The following CACNG2 variants were observed in gnomAD, a reference collection of about 807,000 sequenced individuals.
The protein encoded by CACNG2 is calcium voltage-gated channel auxiliary subunit gamma 2, also known as voltage-dependent calcium channel gamma-2 subunit.
In CACNG2, 3 loss-of-function variants were observed where a neutral mutation model predicts 25.9. The observed-to-expected ratio is 0.12, with a 90% confidence interval of 0.05 to 0.30. The LOEUF (loss-of-function observed/expected upper bound fraction) is 0.30, where lower values mean the gene tolerates loss of function less well. CACNG2 is among the 10% of genes least tolerant of loss of function. CACNG2 has a pLI of 1.00. For missense variants in CACNG2, 341 were observed against 432.5 expected, an observed-to-expected ratio of 0.79 and a Z score of 1.88; for synonymous variants, 167 against 173.3, an observed-to-expected ratio of 0.96 and a Z score of 0.29.
intron 1 of CACNG2, among the ~76,000 whole-genome samples, chr22:36,654,252 T>C (rs1363977762): frequency 2.6e-5 from 4 of 152,120 alleles, no homozygotes; most frequent in Non-Finnish European, 1.5e-5. Context: ...TCCATGTTTC[T>C]CTTTCTTCTT....
intron 1 of CACNG2, among the ~76,000 whole-genome samples, chr22:36,601,774 C>A (rs914023567): frequency 6.6e-6 from 1 of 152,148 alleles, no homozygotes; most frequent in Admixed American, 6.5e-5. Context: ...TGAGCCACTG[C>A]GCCTGGGGAG....
At position 36,664,150 on chromosome 22, in the gene CACNG2, A is replaced by G. The variant is rs1489014110; in HGVS notation, c.211+38216T>C. Among the ~76,000 whole-genome samples the G allele has an allele frequency of 2.5e-5, 3 of 117,830 alleles. No homozygotes were observed. In the East Asian group the frequency reaches 7.5e-4, roughly 29 times the overall value. 77.3% of individuals were successfully genotyped at this position (117,830 alleles called of 152,430 possible). On this transcript the variant is annotated intron_variant, in intron 1 of 3. Coordinates refer to ENST00000300105, the MANE Select transcript of CACNG2 (RefSeq NM_006078.5). Reference sequence around the variant, plus strand: ...ATTCCACTGACTTAGTGAGTCAGGAATTGCAAGGTACATATAGGGGAGAGA... The same window carrying G: ...ATTCCACTGACTTAGTGAGTCAGGAGTTGCAAGGTACATATAGGGGAGAGA...
chr22:36,579,182 A>G (rs1452541646), intron 2 of CACNG2, among the ~76,000 whole-genome samples: 1 of 152,076 alleles, frequency 6.6e-6, no homozygotes, highest in Non-Finnish European at 1.5e-5. Context: ...AGGTGGGTGG[A>G]TCACCTGAGG....
rs939260757 is a variant in CACNG2 at position 36,563,124 on chromosome 22, T to C, written c.*1227A>G. Among the ~76,000 whole-genome samples the C allele has an allele frequency of 1.3e-5, 2 of 152,122 alleles. No individual in the cohort carries two copies. The highest frequency in any genetic ancestry group is 4.8e-5 in the African/African-American group (2 of 41,418). On this transcript the variant is annotated 3_prime_UTR_variant, in exon 4 of 4. Transcript: ENST00000300105. The stretch of plus-strand genomic sequence containing the variant: ...TTATTTATAGTCTGTGGTTTTTTTA[T>C]TAAAAAAAAATCACCACTTGTTTTT...
chr22:36,651,473 C>T (rs1348661139), intron 1 of CACNG2, among the ~76,000 whole-genome samples: 1 of 152,012 alleles, frequency 6.6e-6, no homozygotes, highest in Non-Finnish European at 1.5e-5. Context: ...CAGTGATCTG[C>T]CTGCCTTGGC....
intron 1 of CACNG2, among the ~76,000 whole-genome samples, chr22:36,693,708 A>T (rs892613930): frequency 2.6e-5 from 4 of 152,108 alleles, no homozygotes; most frequent in African/African-American, 9.7e-5. Context: ...CCAATGCCCA[A>T]CATATGGGCA....
At chr22:36,653,249 G>C (rs577732469) in intron 1 of CACNG2, among the ~76,000 whole-genome samples, 2 of 152,266 alleles carry the variant, frequency 1.3e-5, no homozygotes, top group East Asian at 3.9e-4. Context: ...GCTTGAACCC[G>C]GGAGGTGGAG....
intron 1 of CACNG2, among the ~76,000 whole-genome samples, chr22:36,655,195 T>C (rs1569042296): frequency 6.6e-6 from 1 of 152,226 alleles, no homozygotes; most frequent in East Asian, 1.9e-4. Flanking sequence ...CTTCTTCATA[T>C]GTGACTCTTT....
chr22:36,576,290 A>G (rs956833068), intron 2 of CACNG2, among the ~76,000 whole-genome samples: 7 of 152,174 alleles, frequency 4.6e-5, no homozygotes, highest in African/African-American at 1.7e-4. Flanking sequence ...AAAACCAAAC[A>G]TTATATGTTC....
intron 1 of CACNG2, among the ~76,000 whole-genome samples, chr22:36,610,351 C>T (rs1935921024): frequency 6.7e-6 from 1 of 148,212 alleles, no homozygotes; most frequent in South Asian, 2.2e-4. Flanking sequence ...TGGGAGGAGT[C>T]AGCCCCGTAG....
intron 1 of CACNG2, 96 bp downstream of exon 1, chr22:36,702,270 G>C (rs1937419455): frequency 2.6e-6 from 2 of 755,256 alleles, no homozygotes; most frequent in Non-Finnish European, 4.4e-6. Flanking sequence ...GAAAATGGTG[G>C]AATGTAAAGG....
intron 1 of CACNG2, among the ~76,000 whole-genome samples, chr22:36,628,160 A>G (rs1027489383): frequency 1.3e-5 from 2 of 152,216 alleles, no homozygotes; most frequent in Non-Finnish European, 2.9e-5. Context: ...AGTTTTTATA[A>G]TAAGCATGTT....
At position 36,629,274 on chromosome 22, in the gene CACNG2, G is replaced by GTTCA. The variant is rs553814869; in HGVS notation, c.212-41730_212-41727dup. On this transcript the variant is annotated intron_variant, in intron 1 of 3. Transcript: ENST00000300105. ...TTCTTCCTTCATTCGTTCATTCACC[G>GTTCA]TTCATTCATTCATTCATTCACTCAA... Among the ~76,000 whole-genome samples the GTTCA allele has an allele frequency of 2.6e-3, 403 of 152,172 alleles. 1 individual carries two copies. The highest frequency in any genetic ancestry group is 9.3e-3 in the African/African-American group (386 of 41,530).
At chr22:36,591,951 G>A (rs1234818529) in intron 1 of CACNG2, among the ~76,000 whole-genome samples, 2 of 152,076 alleles carry the variant, frequency 1.3e-5, no homozygotes, top group African/African-American at 2.4e-5. Flanking sequence ...GGTTGGGGAC[G>A]GGAGGACAGG....
intron 1 of CACNG2, among the ~76,000 whole-genome samples, chr22:36,608,508 A>G (rs899200655): frequency 6.6e-6 from 1 of 152,184 alleles, no homozygotes; most frequent in African/African-American, 2.4e-5. Flanking sequence ...CTCTGTCCCA[A>G]TGCTTCATAT....
chr22:36,634,203 C>G (rs1288655008), intron 1 of CACNG2, among the ~76,000 whole-genome samples: 1 of 152,200 alleles, frequency 6.6e-6, no homozygotes, highest in Admixed American at 6.5e-5. Flanking sequence ...AGCACTCTGC[C>G]TGACCACATT....
At chr22:36,574,794 A>C (rs1321987691) in intron 2 of CACNG2, among the ~76,000 whole-genome samples, 1 of 122,244 alleles carries the variant, frequency 8.2e-6, no homozygotes, top group Non-Finnish European at 1.9e-5. Flanking sequence ...ACAAAACAAA[A>C]CAAAACCAAA....
intron 1 of CACNG2, among the ~76,000 whole-genome samples, chr22:36,695,633 A>G (rs531397461): frequency 9.9e-5 from 15 of 151,830 alleles, no homozygotes; most frequent in African/African-American, 3.6e-4. Context: ...ACTCCTATTC[A>G]TCCTTCAGGT....
In CACNG2 at chr22:36,589,338, A is replaced by C. The variant is rs116158052; in HGVS notation, c.212-1790T>G. On this transcript the variant is annotated intron_variant, in intron 1 of 3. Transcript: ENST00000300105. ...GTGTGTGTATAAAATAGACCTATAT[A>C]TTAGGTTGGTGCAAAAGCAACTGTG... Among the ~76,000 whole-genome samples the C allele has an allele frequency of 5.8e-3, 876 of 152,270 alleles. 12 individuals carry two copies. Among genetic ancestry groups the C allele is most frequent in the African/African-American group, 0.021 (854 of 41,544 alleles).
Sources: gnomAD v4.1 joint callset for allele counts (sites outside exome capture counted in the v4.1 genomes callset) on GRCh38, gnomAD v4.1.1 for gene constraint, MANE v1.5 for transcripts, NCBI Gene and HGNC (gene_info 2026-07-23, HGNC 2026-07-21) for gene names.